The following HDAC9 variants were observed in gnomAD, a reference collection of about 807,000 sequenced individuals.
The protein encoded by HDAC9 is MEF-2 interacting transcription repressor (MITR) protein.
Under a neutral mutation model 139.4 loss-of-function variants are expected in HDAC9, and 41 were observed. The observed-to-expected ratio is 0.29, with a 90% CI of 0.23 to 0.38. The LOEUF is 0.38. Among genes scored for constraint, HDAC9 ranks in the 10% least tolerant of loss-of-function variants. The probability of loss-of-function intolerance (pLI) is 1.00; values close to 1 mark genes in which losing one functional copy is unlikely to be tolerated. For synonymous variants in HDAC9, 517 were observed against 476.2 expected (o/e 1.09, Z -1.12); for missense variants, 1,147 against 1,297.0 (o/e 0.88, Z 1.78).
intron 1 of HDAC9, among the ~76,000 whole-genome samples, chr7:18,132,712 A>G (rs1469566672): frequency 6.6e-6 from 1 of 152,206 alleles, no homozygotes; most frequent in Non-Finnish European, 1.5e-5. Flanking sequence ...TGTATTCATT[A>G]AAAGACCTTG....
intron 1 of HDAC9, among the ~76,000 whole-genome samples, chr7:18,130,342 T>C (rs1253893677): frequency 2.0e-5 from 3 of 152,132 alleles, no homozygotes; most frequent in Admixed American, 6.6e-5. Context: ...ACTCAAAGAA[T>C]TGAAAGGTAA....
chr7:18,232,715 A>G (rs2128184575), intron 2 of HDAC9, among the ~76,000 whole-genome samples: 1 of 152,324 alleles, frequency 6.6e-6, no homozygotes, highest in African/African-American at 2.4e-5. Context: ...GATTACAATA[A>G]TGGTTTGCAT....
chr7:18,281,015 CA>C (rs1797070762), intron 2 of HDAC9, among the ~76,000 whole-genome samples: 1 of 152,112 alleles, frequency 6.6e-6, no homozygotes. Context: ...GTATCCATTC[CA>C]GGCCTCTGTT....
At chr7:18,276,542 T>C (rs1273435082) in intron 2 of HDAC9, among the ~76,000 whole-genome samples, 1 of 152,212 alleles carries the variant, frequency 6.6e-6, no homozygotes, top group Non-Finnish European at 1.5e-5. Context: ...TTGATCATCA[T>C]ACATGCATTT....
intron 2 of HDAC9, among the ~76,000 whole-genome samples, chr7:18,573,959 C>T (rs147530767): frequency 9.9e-4 from 151 of 152,284 alleles, no homozygotes; most frequent in African/African-American, 3.5e-3. Context: ...CAGCCCTGTT[C>T]GTGTTAACAG....
intron 1 of HDAC9, among the ~76,000 whole-genome samples, chr7:18,413,469 A>G (rs531813560): frequency 6.6e-6 from 1 of 152,192 alleles, no homozygotes; most frequent in Non-Finnish European, 1.5e-5. Context: ...CCTTTCCCCC[A>G]CTTAAAGATA....
intron 1 of HDAC9, among the ~76,000 whole-genome samples, chr7:18,102,450 T>C (rs1220518143): frequency 2.0e-5 from 3 of 152,198 alleles, no homozygotes; most frequent in African/African-American, 4.8e-5. Context: ...ATCAGCACCA[T>C]GAAGCCAAAA....
intron 22 of HDAC9, among the ~76,000 whole-genome samples, chr7:18,935,145 C>T (rs1165898338): frequency 2.0e-5 from 3 of 152,118 alleles, no homozygotes; most frequent in Non-Finnish European, 2.9e-5. Flanking sequence ...AGGATAGCTA[C>T]TGTCAGAGAA....
At chr7:18,558,606 G>A (rs1819607159) in intron 2 of HDAC9, among the ~76,000 whole-genome samples, 1 of 152,082 alleles carries the variant, frequency 6.6e-6, no homozygotes, top group Admixed American at 6.6e-5. Flanking sequence ...TGAATATATG[G>A]GTTTTGTAGG....
At chr7:18,618,924 T>C (rs962340254) in intron 6 of HDAC9, among the ~76,000 whole-genome samples, 11 of 151,736 alleles carry the variant, frequency 7.2e-5, no homozygotes, top group African/African-American at 2.7e-4. Context: ...AGAAGTATAC[T>C]TTATAATAAA....
intron 2 of HDAC9, among the ~76,000 whole-genome samples, chr7:18,247,606 G>T (rs1794641387): frequency 6.6e-6 from 1 of 152,128 alleles, no homozygotes; most frequent in South Asian, 2.1e-4. Flanking sequence ...TGAAAAAAAT[G>T]AGGGCAGTAC....
At chr7:18,453,702 T>A (rs1793091078) in intron 1 of HDAC9, among the ~76,000 whole-genome samples, 1 of 152,234 alleles carries the variant, frequency 6.6e-6, no homozygotes, top group African/African-American at 2.4e-5. Context: ...ATAATTTGTC[T>A]ACAGAGATTA....
chr7:18,928,393 G>A (rs1291504069), intron 22 of HDAC9, among the ~76,000 whole-genome samples: 1 of 152,184 alleles, frequency 6.6e-6, no homozygotes, highest in African/African-American at 2.4e-5. Context: ...TTGGCTTTAT[G>A]TGCTTTAGGT....
intron 22 of HDAC9, among the ~76,000 whole-genome samples, chr7:18,899,862 AGT>A (rs1187926487): frequency 3.3e-5 from 5 of 152,100 alleles, no homozygotes; most frequent in African/African-American, 1.2e-4. Flanking sequence ...AATTATCTTC[AGT>A]GTGGAAATAC....
intron 17 of HDAC9, among the ~76,000 whole-genome samples, chr7:18,798,098 T>G (rs1047563505): frequency 5.3e-5 from 8 of 152,164 alleles, no homozygotes; most frequent in South Asian, 2.1e-4. Context: ...CTTTTTTGAA[T>G]AATGCTATAT....
At chr7:18,374,379 G>A (rs561088203) in intron 1 of HDAC9, among the ~76,000 whole-genome samples, 30 of 152,094 alleles carry the variant, frequency 2.0e-4, no homozygotes, top group African/African-American at 7.2e-4. Context: ...TTTCCTCATT[G>A]TGTGAACATC....
chr7:18,105,677 C>A (rs1783147206), intron 1 of HDAC9, among the ~76,000 whole-genome samples: 1 of 151,564 alleles, frequency 6.6e-6, no homozygotes, highest in East Asian at 1.9e-4. Context: ...CTTCAGAAAA[C>A]AATTTTGGTA....
At chr7:18,459,229 G>A (rs1793625384) in intron 1 of HDAC9, among the ~76,000 whole-genome samples, 1 of 152,074 alleles carries the variant, frequency 6.6e-6, no homozygotes, top group Non-Finnish European at 1.5e-5. Context: ...AGCCACAACT[G>A]CCTGATATCT....
chr7:18,745,385 ACCTGTTT>A (rs996990441), intron 13 of HDAC9, among the ~76,000 whole-genome samples: 2 of 152,124 alleles, frequency 1.3e-5, no homozygotes, highest in Non-Finnish European at 2.9e-5. Flanking sequence ...AGCTACCATT[ACCTGTTT>A]CACAATTATT....
Sources: gnomAD v4.1 joint callset for allele counts (sites outside exome capture counted in the v4.1 genomes callset) on GRCh38, gnomAD v4.1.1 for gene constraint, MANE v1.5 for transcripts, NCBI Gene and HGNC (gene_info 2026-07-23, HGNC 2026-07-21) for gene names.